Variants in SAMMSON observed in about 807,000 individuals in gnomAD.
SAMMSON encodes the protein survival associated mitochondrial melanoma specific oncogenic non-coding RNA, also known as long intergenic non-protein coding RNA 1212.
chr3:70,243,221 C>T (rs946631822), intron 4 of SAMMSON, among the ~76,000 whole-genome samples: 1 of 152,102 alleles, frequency 6.6e-6, no homozygotes, highest in Non-Finnish European at 1.5e-5. Flanking sequence ...GGGGCTGTGA[C>T]ACAATTTTCT....
At chr3:70,348,833 G>A (rs990409539) in intron 7 of SAMMSON, among the ~76,000 whole-genome samples, 1 of 152,120 alleles carries the variant, frequency 6.6e-6, no homozygotes, top group South Asian at 2.1e-4. Flanking sequence ...TGGGAGCTCT[G>A]CGAGGGTTTT....
intron 7 of SAMMSON, among the ~76,000 whole-genome samples, chr3:70,305,741 T>C (rs1702393926): frequency 1.3e-5 from 2 of 152,218 alleles, no homozygotes; most frequent in Admixed American, 1.3e-4. Flanking sequence ...TTGTCTTCAC[T>C]TAGAATTAAA....
intron 6 of SAMMSON, among the ~76,000 whole-genome samples, chr3:70,282,836 T>C (rs1702102403): frequency 6.6e-6 from 1 of 152,162 alleles, no homozygotes; most frequent in African/African-American, 2.4e-5. Context: ...AGGATGACCA[T>C]AGCAGTGCCT....
chr3:70,312,074 T>C, intron 7 of SAMMSON: 1 of 392,704 alleles, frequency 2.5e-6, no homozygotes, highest in Non-Finnish European at 4.5e-6. Context: ...TATGGGAAAA[T>C]TTTATCTCTA....
At chr3:70,172,310 G>T (rs1417123103) in intron 4 of SAMMSON, 8 of 142,726 alleles carry the variant, frequency 5.6e-5, no homozygotes, top group Non-Finnish European at 1.2e-4. Flanking sequence ...ACAGTCTCAT[G>T]TTGGCCATGG....
chr3:70,384,377 T>C (rs1247741284), intron 9 of SAMMSON, among the ~76,000 whole-genome samples: 1 of 152,006 alleles, frequency 6.6e-6, no homozygotes, highest in Non-Finnish European at 1.5e-5. Flanking sequence ...GTCCTGCACA[T>C]TTATTATAAT....
intron 4 of SAMMSON, chr3:70,126,618 G>A (rs970176152): frequency 1.1e-5 from 4 of 359,072 alleles, no homozygotes; most frequent in Non-Finnish European, 2.1e-5. Flanking sequence ...GCATTTTCAA[G>A]CAAAAATTGG....
chr3:70,004,838 C>T (rs1012225724), intron 1 of SAMMSON, among the ~76,000 whole-genome samples: 2 of 152,174 alleles, frequency 1.3e-5, no homozygotes, highest in African/African-American at 4.8e-5. Flanking sequence ...TCTCTGATCA[C>T]GTGTAAAACA....
At chr3:70,398,326 G>A (rs1050366036) in intron 2 of SAMMSON, among the ~76,000 whole-genome samples, 40 of 152,118 alleles carry the variant, frequency 2.6e-4, no homozygotes, top group African/African-American at 9.7e-4. Flanking sequence ...GTAAATTAAA[G>A]ACTTTTCATC....
At chr3:70,182,606 A>G (rs1411460092) in intron 4 of SAMMSON, among the ~76,000 whole-genome samples, 1 of 152,094 alleles carries the variant, frequency 6.6e-6, no homozygotes, top group Non-Finnish European at 1.5e-5. Context: ...TTTTACCTCA[A>G]TCTCAATGAT....
At chr3:70,099,205 T>C (rs1181985434) in intron 4 of SAMMSON, among the ~76,000 whole-genome samples, 1 of 152,196 alleles carries the variant, frequency 6.6e-6, no homozygotes, top group East Asian at 1.9e-4. Context: ...CACACAAATA[T>C]TATATTTATT....
intron 6 of SAMMSON, among the ~76,000 whole-genome samples, chr3:70,250,707 T>G (rs1004617517): frequency 1.3e-5 from 2 of 152,156 alleles, no homozygotes; most frequent in Non-Finnish European, 2.9e-5. Flanking sequence ...ATCCAGAGTT[T>G]CCACTGGCAA....
intron 7 of SAMMSON, among the ~76,000 whole-genome samples, chr3:70,347,630 T>C (rs1261287499): frequency 6.6e-6 from 1 of 152,196 alleles, no homozygotes; most frequent in Admixed American, 6.5e-5. Flanking sequence ...CAAATATTGT[T>C]CTAGGTACTT....
At chr3:70,079,504 T>A (rs1459728221) in intron 4 of SAMMSON, among the ~76,000 whole-genome samples, 1 of 152,214 alleles carries the variant, frequency 6.6e-6, no homozygotes, top group African/African-American at 2.4e-5. Flanking sequence ...GAAGCTGTGC[T>A]TCAAGTACCC....
chr3:70,047,850 A>C (rs749976981), intron 3 of SAMMSON, among the ~76,000 whole-genome samples: 1 of 152,090 alleles, frequency 6.6e-6, no homozygotes, highest in Non-Finnish European at 1.5e-5. Context: ...ATGGATGAAG[A>C]GCAGAAGAGA....
At chr3:70,195,768 A>G (rs1196175300) in intron 4 of SAMMSON, among the ~76,000 whole-genome samples, 1 of 152,238 alleles carries the variant, frequency 6.6e-6, no homozygotes, top group Admixed American at 6.5e-5. Flanking sequence ...TATTTGCCCA[A>G]GGACTATAGA....
At chr3:70,112,563 A>G (rs2067394054) in intron 4 of SAMMSON, among the ~76,000 whole-genome samples, 1 of 152,168 alleles carries the variant, frequency 6.6e-6, no homozygotes, top group South Asian at 2.1e-4. Context: ...AGGGTAGAAA[A>G]TAGGATAGAA....
At chr3:70,369,022 T>A (rs1317876600) in intron 9 of SAMMSON, among the ~76,000 whole-genome samples, 3 of 151,700 alleles carry the variant, frequency 2.0e-5, no homozygotes, top group Admixed American at 2.0e-4. Context: ...TTTTCTTTGA[T>A]TTTTTTAAAT....
At chr3:70,335,214 G>T (rs139544394) in intron 7 of SAMMSON, among the ~76,000 whole-genome samples, 1 of 151,960 alleles carries the variant, frequency 6.6e-6, no homozygotes, top group Non-Finnish European at 1.5e-5. Flanking sequence ...ATCTCCAAAC[G>T]CATTGCAAAT....
Sources: allele counts gnomAD v4.1 joint callset (sites outside exome capture counted in the v4.1 genomes callset), GRCh38; gene constraint gnomAD v4.1.1; transcripts MANE v1.5; gene names NCBI Gene and HGNC (gene_info 2026-07-23, HGNC 2026-07-21).